ZMYM2: variants seen among roughly 807,000 people sequenced by gnomAD.
ZMYM2 encodes zinc finger MYM-type protein 2.
ZMYM2 carries 56 observed loss-of-function variants against 162.8 expected under a neutral mutation model. That is an observed-to-expected ratio of 0.34 (90% CI 0.28 to 0.43). ZMYM2 has a LOEUF of 0.43. Among genes scored for constraint, ZMYM2 ranks in the 20% least tolerant of loss-of-function variants. The pLI is 1.00. For missense variants in ZMYM2, 1,275 were observed against 1,621.8 expected (o/e 0.79, Z 3.67); for synonymous variants, 510 against 541.6 (o/e 0.94, Z 0.81).
chr13:19,895,403 A>G, the ZMYM2 span, among the ~76,000 whole-genome samples: 1 of 151,976 alleles, frequency 6.6e-6, no homozygotes, highest in Non-Finnish European at 1.5e-5. Flanking sequence ...ACGGTAATTC[A>G]TAAAGAAAAG....
chr13:19,869,256 C>A, the ZMYM2 span, among the ~76,000 whole-genome samples: 1 of 152,068 alleles, frequency 6.6e-6, no homozygotes, highest in African/African-American at 2.4e-5. Flanking sequence ...GTTATGCTGC[C>A]AACTGGATAC....
At chr13:20,063,546 C>A (rs940281070) in intron 18 of ZMYM2, among the ~76,000 whole-genome samples, 2 of 150,488 alleles carry the variant, frequency 1.3e-5, no homozygotes, top group African/African-American at 4.9e-5. Flanking sequence ...TTTGGGAGGC[C>A]GAGGTGGGTG....
chr13:19,972,264 T>G (rs1190712304), intron 2 of ZMYM2, among the ~76,000 whole-genome samples: 10 of 152,196 alleles, frequency 6.6e-5, no homozygotes, highest in Non-Finnish European at 5.9e-5. Flanking sequence ...CTAATAGAGA[T>G]ATGTTCAACA....
At position 20,088,232 on chromosome 13, in the gene ZMYM2, ATT is replaced by A. The variant is rs976078759; in HGVS notation, c.*2221_*2222del. 1 of 207,616 alleles carries A rather than the reference ATT, an allele frequency of 4.8e-6. No individual in the cohort carries two copies. The highest frequency in any genetic ancestry group is 2.3e-5 in the African/African-American group (1 of 43,968). 12.9% of individuals were successfully genotyped at this position (207,616 alleles called of 1,614,324 possible). A position where few individuals can be genotyped will look rare whatever the true frequency, so the allele number is the denominator to read the frequency against. ...ATTCTCAGGGGGAAAAGAAAAACTT[ATT>A]TTATGAGAATTGTTTGTTCTGTGAA... On this transcript the variant is annotated 3_prime_UTR_variant, in exon 25 of 25. Transcript: ENST00000610343.
chr13:19,996,100 C>G (rs1566251111), intron 3 of ZMYM2, among the ~76,000 whole-genome samples: 1 of 152,058 alleles, frequency 6.6e-6, no homozygotes, highest in Non-Finnish European at 1.5e-5. Flanking sequence ...CGGCGTTTCT[C>G]TCTCACATGC....
intron 2 of ZMYM2, among the ~76,000 whole-genome samples, chr13:19,968,466 T>C (rs961784796): frequency 6.6e-5 from 10 of 152,224 alleles, no homozygotes; most frequent in African/African-American, 2.4e-4. Flanking sequence ...TTAACCATGT[T>C]AGCTAGGCTG....
chr13:20,037,759 G>C (rs2044095620), intron 12 of ZMYM2, among the ~76,000 whole-genome samples: 1 of 152,048 alleles, frequency 6.6e-6, no homozygotes, highest in Non-Finnish European at 1.5e-5. Context: ...TTAACTTTTA[G>C]GTTCAGGGGT....
At chr13:19,927,561 G>A in the ZMYM2 span, among the ~76,000 whole-genome samples, 2 of 152,162 alleles carry the variant, frequency 1.3e-5, no homozygotes, top group African/African-American at 4.8e-5. Context: ...GATGGATGTT[G>A]GGTCATTTCC....
At chr13:20,066,117 C>T (rs73440173) in intron 19 of ZMYM2, among the ~76,000 whole-genome samples, 3,225 of 152,284 alleles carry the variant, frequency 0.021, 109 homozygotes, top group African/African-American at 0.074. Context: ...TTGTCAGATT[C>T]AGGAATACCA....
chr13:19,898,144 A>G, the ZMYM2 span, among the ~76,000 whole-genome samples: 1 of 152,144 alleles, frequency 6.6e-6, no homozygotes, highest in Non-Finnish European at 1.5e-5. Flanking sequence ...CATACAAAGT[A>G]TTTTTTTCCA....
the ZMYM2 span, among the ~76,000 whole-genome samples, chr13:19,940,521 C>T: frequency 6.6e-6 from 1 of 152,290 alleles, no homozygotes; most frequent in Admixed American, 6.5e-5. Flanking sequence ...GCTATATTAG[C>T]CTTCAGGATT....
intron 12 of ZMYM2, among the ~76,000 whole-genome samples, chr13:20,042,864 C>T (rs2140442165): frequency 6.6e-6 from 1 of 152,212 alleles, no homozygotes; most frequent in East Asian, 1.9e-4. Flanking sequence ...GTTGGGATTA[C>T]AGGCACATGC....
intron 3 of ZMYM2, 132 bp from the exon 4 acceptor site, chr13:20,002,718 C>G: frequency 8.8e-7 from 1 of 1,138,586 alleles, no homozygotes; most frequent in Non-Finnish European, 1.2e-6. Context: ...ATATACCTCT[C>G]TGCTATGTTG....
At chr13:19,928,230 C>T in the ZMYM2 span, among the ~76,000 whole-genome samples, 1 of 152,186 alleles carries the variant, frequency 6.6e-6, no homozygotes, top group African/African-American at 2.4e-5. Context: ...TGTCCTCCAA[C>T]TCTTGGCTCA....
chr13:19,880,961 T>C, the ZMYM2 span, among the ~76,000 whole-genome samples: 1 of 151,942 alleles, frequency 6.6e-6, no homozygotes, highest in Non-Finnish European at 1.5e-5. Flanking sequence ...TGATCTCTGC[T>C]CACTGCAACG....
chr13:19,993,193 C>T lies in ZMYM2; in HGVS notation c.121C>T (p.Pro41Ser). 1.9e-6 allele frequency: 3 copies of T among 1,614,034 alleles called. No individual in the cohort carries two copies. Among genetic ancestry groups the T allele is most frequent in the Non-Finnish European group, 2.5e-6 (3 of 1,179,982 alleles). Residue 41 changes from proline to serine, a missense_variant, in exon 3 of 25, where the codon CCT becomes TCT. Coordinates refer to ENST00000610343, the MANE Select transcript of ZMYM2 (RefSeq NM_197968.4). ...AAACTCATTTAGTGGTCCAGCTAAT[C>T]CTTTAGTGTCTAGATCTAATAAGTT... The part of the protein sequence containing the change: ...VGNSFSGPAN[P>S]LVSRSNKFQN...
chr13:20,005,549 ATATT>A (rs1309089323), intron 5 of ZMYM2, among the ~76,000 whole-genome samples: 1 of 152,122 alleles, frequency 6.6e-6, no homozygotes, highest in Non-Finnish European at 1.5e-5. Flanking sequence ...GTCTAGTAAT[ATATT>A]TATTTAAACA....
At chr13:19,947,584 G>A in the ZMYM2 span, among the ~76,000 whole-genome samples, 5 of 150,374 alleles carry the variant, frequency 3.3e-5, no homozygotes, top group Non-Finnish European at 5.9e-5. Flanking sequence ...TCAGCCTCGC[G>A]GGTAGCTGGG....
the ZMYM2 span, among the ~76,000 whole-genome samples, chr13:19,866,224 A>G: frequency 7.0e-6 from 1 of 142,620 alleles, no homozygotes; most frequent in Admixed American, 7.6e-5. Flanking sequence ...TGTATCTCAA[A>G]AAAAGAAAAA....
Sources: gnomAD v4.1 joint callset for allele counts (sites outside exome capture counted in the v4.1 genomes callset) on GRCh38, gnomAD v4.1.1 for gene constraint, MANE v1.5 for transcripts, NCBI Gene and HGNC (gene_info 2026-07-23, HGNC 2026-07-21) for gene names.